Variants in ARID1B observed in about 807,000 individuals in gnomAD.
ARID1B encodes the protein AT-rich interactive domain-containing protein 1B.
A neutral mutation model predicts 212.3 loss-of-function variants in ARID1B; 30 were observed. That is an observed-to-expected ratio of 0.14 (90% CI 0.11 to 0.19). The LOEUF (loss-of-function observed/expected upper bound fraction) is 0.19, where lower values mean the gene tolerates loss of function less well. Among genes scored for constraint, ARID1B ranks in the 10% least tolerant of loss-of-function variants. ARID1B has a pLI of 1.00. For missense variants in ARID1B, 2,891 were observed against 3,204.0 expected, an observed-to-expected ratio of 0.90 and a Z score of 2.36; for synonymous variants, 1,402 against 1,301.7, an observed-to-expected ratio of 1.08 and a Z score of -1.66.
intron 11 of ARID1B, 99 bp from the exon 12 acceptor site, chr6:157,180,870 C>T (rs954859968): frequency 3.1e-6 from 3 of 980,410 alleles, no homozygotes; most frequent in Admixed American, 2.3e-5. Flanking sequence ...TTAATCTCTT[C>T]TCTTCTTGTA....
chr6:156,777,044 T>A (rs1007650210), upstream of ARID1B: 3 of 152,246 alleles, frequency 2.0e-5, no homozygotes, highest in Admixed American at 1.3e-4. Flanking sequence ...CCCTTCTCCC[T>A]CTTTTGTCTG....
rs571357634 is a variant in ARID1B at position 156,968,880 on chromosome 6, C to A, written c.2247+33304C>A. Among the ~76,000 whole-genome samples the A allele has an allele frequency of 1.5e-4, 23 of 152,360 alleles. No homozygotes were observed. In the South Asian group the frequency reaches 4.8e-3, roughly 32 times the overall value. On this transcript the variant is annotated intron_variant, in intron 4 of 19. Coordinates refer to ENST00000636930, the MANE Select transcript of ARID1B (RefSeq NM_001374828.1). Reference sequence around the variant, plus strand: ...GTGATTTTTGTTGTGAATGGTTACTCTGGCTTGAGGTTGTGTGCTAGCTGC... The same window carrying A: ...GTGATTTTTGTTGTGAATGGTTACTATGGCTTGAGGTTGTGTGCTAGCTGC...
chr6:157,200,939 G>A lies in ARID1B; in HGVS notation c.4714G>A (p.Gly1572Ser), dbSNP rs141461351. The change falls in exon 18 of 20, where the codon GGC becomes AGC. Residue 1572 changes from glycine (G) to serine (S), a missense_variant. Transcript: ENST00000636930. This position sits in a 1 kb window ranked among gnomAD's most constrained non-coding sequence, Gnocchi z 4.3. ...ACACGGAATCCCGCCTCAGATGATG[G>A]GCGGCCCGCTGCAGTCGTCCTCCAG... ...QTHGIPPQMMGGPLQSSSSEG... is the reference protein window; with the variant it reads ...QTHGIPPQMMSGPLQSSSSEG... 98 of 1,613,816 alleles carry A rather than the reference G, an allele frequency of 6.1e-5. No individual in the cohort carries two copies. The highest frequency in any genetic ancestry group is 3.1e-4 in the East Asian group (14 of 44,900).
chr6:157,096,364 A>G (rs985993367), intron 5 of ARID1B, among the ~76,000 whole-genome samples: 1 of 150,948 alleles, frequency 6.6e-6, no homozygotes, highest in Admixed American at 6.6e-5. Flanking sequence ...GAGTTCTGAA[A>G]TTGGTGACTT....
At chr6:157,187,461 A>T (rs1313631699) in intron 13 of ARID1B, among the ~76,000 whole-genome samples, 1 of 152,186 alleles carries the variant, frequency 6.6e-6, no homozygotes, top group Non-Finnish European at 1.5e-5. Context: ...GTTGACCTCT[A>T]GTCACTGTAG....
In ARID1B at chr6:157,122,962, A is replaced by G. The variant is rs62424328; in HGVS notation, c.2582-10066A>G. Reference sequence around the variant, plus strand: ...CTCCCAAAGTACTGGGATTACAGGCATGAGCCACCGTGCCCGGCCAGGAAT... The same window carrying G: ...CTCCCAAAGTACTGGGATTACAGGCGTGAGCCACCGTGCCCGGCCAGGAAT... On this transcript the variant is annotated intron_variant, in intron 6 of 19. Coordinates refer to ENST00000636930, the MANE Select transcript of ARID1B (RefSeq NM_001374828.1). Among the ~76,000 whole-genome samples the G allele has an allele frequency of 1.9e-3, 293 of 152,248 alleles. 1 individual carries two copies. The highest frequency in any genetic ancestry group is 3.3e-3 in the East Asian group (17 of 5,168).
chr6:156,911,514 GAC>G (rs1331642185), intron 3 of ARID1B, among the ~76,000 whole-genome samples: 1 of 151,938 alleles, frequency 6.6e-6, no homozygotes, highest in African/African-American at 2.4e-5. Context: ...GTGTCCTTGT[GAC>G]AACTAACTAC....
At chr6:157,085,218 C>T (rs1189109965) in intron 5 of ARID1B, among the ~76,000 whole-genome samples, 1 of 152,168 alleles carries the variant, frequency 6.6e-6, no homozygotes, top group African/African-American at 2.4e-5. Context: ...TACATCAGAG[C>T]TTCTGTTGAT....
intron 4 of ARID1B, among the ~76,000 whole-genome samples, chr6:157,042,580 TAAAAAAG>T (rs1781959221): frequency 6.6e-6 from 1 of 151,480 alleles, no homozygotes; most frequent in Admixed American, 6.6e-5. Flanking sequence ...TGTATTACTC[TAAAAAAG>T]AATGAGAAAA....
In ARID1B at chr6:156,901,371, G is replaced by C. The variant is rs1334614919; in HGVS notation, c.1987-5G>C. The stretch of plus-strand genomic sequence containing the variant: ...TCTCATTTGCTTTGCTTGACTTTTT[G>C]ACAGATGCCACCTCAGTATGGACAG... On this transcript the variant is annotated splice_polypyrimidine_tract_variant and splice_region_variant and intron_variant, in intron 2 of 19. Coordinates refer to ENST00000636930, the MANE Select transcript of ARID1B (RefSeq NM_001374828.1). 6.2e-7 allele frequency: 1 copy of C among 1,613,926 alleles called. No homozygotes were observed. The highest frequency in any genetic ancestry group is 8.5e-7 in the Non-Finnish European group (1 of 1,180,030).
chr6:156,950,457 G>GTA (rs1297230582), intron 4 of ARID1B, among the ~76,000 whole-genome samples: 1 of 152,180 alleles, frequency 6.6e-6, no homozygotes, highest in Non-Finnish European at 1.5e-5. Context: ...ATAGGTTTGT[G>GTA]TATATATATG....
intron 1 of ARID1B, among the ~76,000 whole-genome samples, chr6:156,796,378 G>A (rs1453893180): frequency 1.3e-5 from 2 of 149,854 alleles, no homozygotes; most frequent in Non-Finnish European, 3.0e-5. Flanking sequence ...CTTTTGCCAT[G>A]TGTCTGTAAG....
rs914890845 is a variant in ARID1B, at chr6:157,207,864, T to G, written c.7092T>G (p.Asp2364Glu). 1 of 1,508,414 alleles carries G rather than the reference T, an allele frequency of 6.6e-7. No homozygotes were observed. The highest frequency in any genetic ancestry group is 8.9e-7 in the Non-Finnish European group (1 of 1,126,876). 93.4% of individuals were successfully genotyped at this position (1,508,414 alleles called of 1,614,324 possible). The change falls in exon 20 of 20, where the codon GAT becomes GAG. Residue 2364 changes from aspartate to glutamate, a missense_variant. Coordinates refer to ENST00000636930, the MANE Select transcript of ARID1B (RefSeq NM_001374828.1). This position sits in a 1 kb window ranked among gnomAD's most constrained non-coding sequence, Gnocchi z 8.5. ...CTCTGGTTGCATCTGTCATCTGTGA[T>G]GTACTGTTTCAGATTGGGCAGTTAT... ...LNSLVASVIC[D>E]VLFQIGQL
At chr6:156,845,302 G>T (rs956646478) in intron 2 of ARID1B, among the ~76,000 whole-genome samples, 2 of 152,160 alleles carry the variant, frequency 1.3e-5, no homozygotes, top group Non-Finnish European at 2.9e-5. Flanking sequence ...CTCCTGGCCC[G>T]CTGCGCATTC....
intron 1 of ARID1B, among the ~76,000 whole-genome samples, chr6:156,806,000 G>C (rs532291292): frequency 5.3e-5 from 8 of 152,094 alleles, no homozygotes; most frequent in Non-Finnish European, 8.8e-5. Context: ...TTGAAACCCT[G>C]TAATGTGAGT....
chr6:156,782,701 A>G (rs1349652767), intron 1 of ARID1B, among the ~76,000 whole-genome samples: 1 of 152,142 alleles, frequency 6.6e-6, no homozygotes, highest in African/African-American at 2.4e-5. Flanking sequence ...GTTAAATTTT[A>G]GGGTGTCTGA....
At chr6:156,893,199 C>T (rs934026355) in intron 2 of ARID1B, among the ~76,000 whole-genome samples, 12 of 152,068 alleles carry the variant, frequency 7.9e-5, no homozygotes, top group African/African-American at 2.9e-4. Context: ...CTCATCACCA[C>T]ATCTGGCTGA....
chr6:157,140,442 C>G (rs886189463), intron 7 of ARID1B, among the ~76,000 whole-genome samples: 1 of 152,200 alleles, frequency 6.6e-6, no homozygotes, highest in Non-Finnish European at 1.5e-5. Flanking sequence ...TACACTCCAG[C>G]CTGGGCGACA....
At chr6:157,141,461 T>C (rs1789348605) in intron 7 of ARID1B, among the ~76,000 whole-genome samples, 1 of 152,206 alleles carries the variant, frequency 6.6e-6, no homozygotes, top group South Asian at 2.1e-4. Flanking sequence ...AAATTCTCTC[T>C]ATTTATTCCC....
Sources: allele counts gnomAD v4.1 joint callset (sites outside exome capture counted in the v4.1 genomes callset), GRCh38; gene constraint gnomAD v4.1.1; non-coding constraint Gnocchi (gnomAD v3.1); transcripts MANE v1.5; gene names NCBI Gene and HGNC (gene_info 2026-07-23, HGNC 2026-07-21).